The following ARHGAP15 variants were observed in gnomAD, a reference collection of about 807,000 sequenced individuals.
The protein encoded by ARHGAP15 is rho GTPase-activating protein 15.
Under a neutral mutation model 63.7 loss-of-function variants are expected in ARHGAP15, and 51 were observed. That is an observed-to-expected ratio of 0.80 (90% CI 0.64 to 1.01). ARHGAP15 has a LOEUF of 1.01. ARHGAP15 is among the 50% of genes least tolerant of loss of function. The pLI, the probability that ARHGAP15 is intolerant of heterozygous loss-of-function variation, is 0.00. For missense variants in ARHGAP15, 560 were observed against 564.6 expected (o/e 0.99, Z 0.08); for synonymous variants, 191 against 193.8 (o/e 0.99, Z 0.12).
At position 143,330,115 on chromosome 2, in the gene ARHGAP15, AAAAAAAAAAAAAAAAACC is replaced by A. The variant is rs1558897812; in HGVS notation, c.474+79521_474+79538del. Among the ~76,000 whole-genome samples, 81 of 86,176 alleles carry A rather than the reference AAAAAAAAAAAAAAAAACC, an allele frequency of 9.4e-4. 4 individuals are homozygous for A. Among genetic ancestry groups the A allele is most frequent in the Non-Finnish European group, 1.2e-3 (52 of 42,802 alleles). The allele number at this position is 86,176 out of a possible 152,430, so 56.5% of individuals were successfully genotyped here. A position where few individuals can be genotyped will look rare whatever the true frequency, so the allele number is the denominator to read the frequency against. On this transcript the variant is annotated intron_variant, in intron 6 of 13. Coordinates refer to ENST00000295095, the MANE Select transcript of ARHGAP15 (RefSeq NM_018460.4). ...GTCTCAAAAAAAAAAAAAAAAAAAA[AAAAAAAAAAAAAAAAACC>A]AAAAACAAAAAACTAAACTAATGAT...
chr2:143,597,312 A>G (rs1697560649), intron 11 of ARHGAP15, among the ~76,000 whole-genome samples: 1 of 152,156 alleles, frequency 6.6e-6, no homozygotes, highest in Non-Finnish European at 1.5e-5. Flanking sequence ...CAATACTAAA[A>G]TTACAATTTA....
chr2:143,571,706 C>G, intron 11 of ARHGAP15: 1 of 152,210 alleles, frequency 6.6e-6, no homozygotes, highest in South Asian at 2.1e-4. Context: ...TCTCCTCACT[C>G]TCTGGCTACA....
At chr2:143,196,395 C>T (rs1286750725) in intron 2 of ARHGAP15, among the ~76,000 whole-genome samples, 2 of 151,964 alleles carry the variant, frequency 1.3e-5, no homozygotes, top group African/African-American at 2.4e-5. Context: ...AACAAGATTG[C>T]CCACACGCAG....
At chr2:143,517,607 C>A (rs974632883) in intron 9 of ARHGAP15, among the ~76,000 whole-genome samples, 4 of 152,190 alleles carry the variant, frequency 2.6e-5, no homozygotes, top group Non-Finnish European at 5.9e-5. Flanking sequence ...ATGACGCCTA[C>A]TCTCCTGGGT....
At chr2:143,762,995 A>G (rs1430571982) in intron 13 of ARHGAP15, among the ~76,000 whole-genome samples, 10 of 152,110 alleles carry the variant, frequency 6.6e-5, no homozygotes, top group Non-Finnish European at 1.2e-4. Context: ...AGAGTTTTCC[A>G]TCTAAGATAC....
At chr2:143,664,981 C>T (rs1682075488) in intron 12 of ARHGAP15, among the ~76,000 whole-genome samples, 1 of 151,772 alleles carries the variant, frequency 6.6e-6, no homozygotes, top group African/African-American at 2.4e-5. Flanking sequence ...CGAATTCTAT[C>T]AGAGGTACAA....
chr2:143,437,815 G>T (rs1689680990), intron 8 of ARHGAP15, among the ~76,000 whole-genome samples: 1 of 152,122 alleles, frequency 6.6e-6, no homozygotes, highest in Admixed American at 6.6e-5. Context: ...CACGAGGTCA[G>T]GAGCTCGAGA....
intron 5 of ARHGAP15, among the ~76,000 whole-genome samples, chr2:143,240,679 C>T (rs1309392556): frequency 6.6e-6 from 1 of 152,022 alleles, no homozygotes. Flanking sequence ...ATGGCCTCAT[C>T]AAACATTTAA....
At chr2:143,391,764 AG>A (rs1443748758) in intron 6 of ARHGAP15, among the ~76,000 whole-genome samples, 1 of 152,166 alleles carries the variant, frequency 6.6e-6, no homozygotes, top group East Asian at 1.9e-4. Context: ...AGAAGACCCA[AG>A]GGTTTTTTCT....
chr2:143,195,261 G>T (rs1326449056), intron 2 of ARHGAP15, among the ~76,000 whole-genome samples: 5 of 152,054 alleles, frequency 3.3e-5, no homozygotes, highest in Admixed American at 2.0e-4. Context: ...GTCCACTATG[G>T]CAATTGAATG....
chr2:143,671,097 A>G (rs138183463), intron 12 of ARHGAP15, among the ~76,000 whole-genome samples: 168 of 152,348 alleles, frequency 1.1e-3, no homozygotes, highest in African/African-American at 3.8e-3. Context: ...AACATAGTCT[A>G]TGTAACTAGT....
intron 1 of ARHGAP15, among the ~76,000 whole-genome samples, chr2:143,151,906 C>A (rs1204250350): frequency 1.3e-5 from 2 of 151,890 alleles, no homozygotes; most frequent in Non-Finnish European, 2.9e-5. Flanking sequence ...AGTCACAGGT[C>A]CCACAGCCAC....
intron 6 of ARHGAP15, among the ~76,000 whole-genome samples, chr2:143,324,908 C>T (rs369699864): frequency 4.6e-5 from 7 of 151,930 alleles, no homozygotes; most frequent in African/African-American, 9.7e-5. Flanking sequence ...TGTTTCTATG[C>T]GACATTAAAA....
intron 11 of ARHGAP15, among the ~76,000 whole-genome samples, chr2:143,599,435 T>G (rs542754006): frequency 6.6e-6 from 1 of 152,000 alleles, no homozygotes; most frequent in Non-Finnish European, 1.5e-5. Flanking sequence ...ATCACAAAAA[T>G]TAATCTGAGC....
intron 4 of ARHGAP15, among the ~76,000 whole-genome samples, chr2:143,223,336 T>C (rs1413365269): frequency 2.6e-5 from 4 of 152,158 alleles, no homozygotes; most frequent in Non-Finnish European, 5.9e-5. Flanking sequence ...GATCAAACCC[T>C]TACCTGATTG....
chr2:143,372,672 A>G (rs192212251), intron 6 of ARHGAP15, among the ~76,000 whole-genome samples: 1 of 152,306 alleles, frequency 6.6e-6, no homozygotes. Flanking sequence ...AAAGATATGG[A>G]TACTTGCCTT....
At chr2:143,538,881 G>A (rs1312560845) in intron 10 of ARHGAP15, among the ~76,000 whole-genome samples, 9 of 152,184 alleles carry the variant, frequency 5.9e-5, no homozygotes, top group South Asian at 2.1e-4. Context: ...GTATCAGGAC[G>A]ATGCTGGTCT....
At position 143,534,812 on chromosome 2, in the gene ARHGAP15, T is replaced by G. The variant is rs186951233; in HGVS notation, c.925+15448T>G. On this transcript the variant is annotated intron_variant, in intron 10 of 13. Transcript: ENST00000295095. ...GTGGGAGGACCTGAGCCTGGAGAGG[T>G]TGAGGCTGCTGTGAGCTGTGATCAT... Among the ~76,000 whole-genome samples, 493 of 151,844 alleles carry G rather than the reference T, an allele frequency of 3.2e-3. 7 individuals are homozygous for G. Among genetic ancestry groups the G allele is most frequent in the Non-Finnish European group, 6.2e-4 (42 of 67,916 alleles).
At chr2:143,392,892 A>T (rs1687595412) in intron 6 of ARHGAP15, among the ~76,000 whole-genome samples, 2 of 152,072 alleles carry the variant, frequency 1.3e-5, no homozygotes, top group African/African-American at 4.8e-5. Context: ...CTCATTGTAG[A>T]TGTGCATCTC....
Sources: allele counts gnomAD v4.1 joint callset (sites outside exome capture counted in the v4.1 genomes callset), GRCh38; gene constraint gnomAD v4.1.1; transcripts MANE v1.5; gene names NCBI Gene and HGNC (gene_info 2026-07-23, HGNC 2026-07-21).